CDS1: variants seen among roughly 807,000 people sequenced by gnomAD.
CDS1 encodes phosphatidate cytidylyltransferase 1.
CDS1 carries 41 observed loss-of-function variants against 62.1 expected under a neutral mutation model. The observed-to-expected ratio is 0.66, with a 90% CI of 0.51 to 0.86. CDS1 has a LOEUF of 0.86. Among genes scored for constraint, CDS1 ranks in the 40% least tolerant of loss-of-function variants. The probability of loss-of-function intolerance (pLI) is 0.00; values close to 1 mark genes in which losing one functional copy is unlikely to be tolerated. For synonymous variants in CDS1, 185 were observed against 192.6 expected (o/e 0.96, Z 0.32); for missense variants, 470 against 550.1 (o/e 0.85, Z 1.46).
chr4:84,607,584 C>T (rs1368586775), intron 2 of CDS1, among the ~76,000 whole-genome samples: 1 of 151,892 alleles, frequency 6.6e-6, no homozygotes, highest in African/African-American at 2.4e-5. Context: ...ATGAAGGCAG[C>T]TAATATTTCT....
intron 1 of CDS1, among the ~76,000 whole-genome samples, chr4:84,603,407 G>C (rs993551448): frequency 1.3e-5 from 2 of 152,182 alleles, no homozygotes; most frequent in Admixed American, 1.3e-4. Flanking sequence ...ACTGAAGGTT[G>C]CCAGGGTAGG....
At chr4:84,597,263 AAGG>A (rs1722779909) in intron 1 of CDS1, among the ~76,000 whole-genome samples, 1 of 152,144 alleles carries the variant, frequency 6.6e-6, no homozygotes, top group Non-Finnish European at 1.5e-5. Context: ...AAAAAAAAAT[AAGG>A]AGGCTTTATC....
chr4:84,608,974 C>T (rs538943129), intron 2 of CDS1, among the ~76,000 whole-genome samples: 3 of 151,852 alleles, frequency 2.0e-5, no homozygotes, highest in Non-Finnish European at 4.4e-5. Flanking sequence ...GTCAGGAGAT[C>T]GAGACCATCT....
intron 9 of CDS1, among the ~76,000 whole-genome samples, 154 bp downstream of exon 9, chr4:84,639,146 C>G (rs1471334890): frequency 6.6e-6 from 1 of 152,134 alleles, no homozygotes; most frequent in Non-Finnish European, 1.5e-5. Flanking sequence ...ACCTCAGCAG[C>G]CCTTATCCTG....
intron 5 of CDS1, among the ~76,000 whole-genome samples, chr4:84,631,505 A>C (rs548795830): frequency 1.4e-4 from 22 of 152,304 alleles, no homozygotes; most frequent in South Asian, 2.1e-4. Flanking sequence ...GCAAATAAAT[A>C]CTATTTAATT....
rs1430830876 is a variant in CDS1, at chr4:84,619,514, A to G, written c.561A>G (p.Ser187=). The G allele has an allele frequency of 6.3e-7, 1 of 1,594,126 alleles. No individual in the cohort carries two copies. The highest frequency in any genetic ancestry group is 2.2e-5 in the East Asian group (1 of 44,488). ...TCATTCGCTACCATAGATTTATATC[A>G]TTTGCCCTCTATCTGGCAGGTAAGT... is the stretch of plus-strand genomic sequence containing the variant. ...QFLIRYHRFI[S]FALYLAGFCM... The change falls in exon 5 of 13, where the codon TCA becomes TCG. Residue 187 remains serine (S), a synonymous_variant. Transcript: ENST00000295887.
intron 1 of CDS1, among the ~76,000 whole-genome samples, chr4:84,587,617 G>C (rs1442932505): frequency 6.6e-6 from 1 of 152,162 alleles, no homozygotes; most frequent in Admixed American, 6.6e-5. Flanking sequence ...GAAACAGAAA[G>C]AGCTAAGACA....
chr4:84,632,980 C>T (rs144931339), intron 6 of CDS1, among the ~76,000 whole-genome samples: 347 of 152,138 alleles, frequency 2.3e-3, no homozygotes, highest in Middle Eastern at 0.02. Flanking sequence ...GAAAATTAAC[C>T]GGGCGTGGTG....
At chr4:84,628,811 A>G (rs1723933195) in intron 5 of CDS1, among the ~76,000 whole-genome samples, 1 of 152,164 alleles carries the variant, frequency 6.6e-6, no homozygotes, top group African/African-American at 2.4e-5. Flanking sequence ...TTGGGATTAC[A>G]GGCATGGGAC....
In CDS1 at chr4:84,649,913, G is replaced by A. The variant is rs1337049451; in HGVS notation, c.*1227G>A. The A allele has an allele frequency of 3.9e-5, 6 of 152,124 alleles. No individual in the cohort carries two copies. The highest frequency in any genetic ancestry group is 7.3e-5 in the Non-Finnish European group (5 of 68,038). 9.4% of individuals were successfully genotyped at this position (152,124 alleles called of 1,614,324 possible). On this transcript the variant is annotated 3_prime_UTR_variant, in exon 13 of 13. Transcript: ENST00000295887. The stretch of plus-strand genomic sequence containing the variant: ...GGTGGACTGGACACTAACCAGATGA[G>A]AGTAAATTTCTTATCCGTGGACGTA...
At chr4:84,626,364 CT>C (rs1264376341) in intron 5 of CDS1, among the ~76,000 whole-genome samples, 1 of 152,206 alleles carries the variant, frequency 6.6e-6, no homozygotes, top group Non-Finnish European at 1.5e-5. Flanking sequence ...TCTTTTTACA[CT>C]TTGCTCAGTT....
intron 3 of CDS1, among the ~76,000 whole-genome samples, chr4:84,615,743 T>C (rs1407449101): frequency 6.6e-6 from 1 of 152,222 alleles, no homozygotes; most frequent in African/African-American, 2.4e-5. Context: ...GAGTAGACAC[T>C]TAAATACTGA....
At chr4:84,628,567 T>C (rs1560478466) in intron 5 of CDS1, among the ~76,000 whole-genome samples, 1 of 152,170 alleles carries the variant, frequency 6.6e-6, no homozygotes, top group Non-Finnish European at 1.5e-5. Flanking sequence ...GTGACTTGCT[T>C]TGTGGTCCAG....
intron 1 of CDS1, 48 bp downstream of exon 1, chr4:84,583,566 G>C (rs780572943): frequency 1.6e-4 from 188 of 1,196,568 alleles, no homozygotes; most frequent in Admixed American, 2.3e-4. Flanking sequence ...CTGGGTCCTG[G>C]TTGGAAGCGG....
At position 84,650,926 on chromosome 4, in the gene CDS1, C is replaced by T. The variant is rs1724712882; in HGVS notation, c.*2240C>T. 1 of 152,092 alleles carries T rather than the reference C, an allele frequency of 6.6e-6. No homozygotes were observed. The highest frequency in any genetic ancestry group is 6.6e-5 in the Admixed American group (1 of 15,266). The allele number at this position is 152,092 out of a possible 1,614,324, so 9.4% of individuals were successfully genotyped here. On this transcript the variant is annotated 3_prime_UTR_variant, in exon 13 of 13. Coordinates refer to ENST00000295887, the MANE Select transcript of CDS1 (RefSeq NM_001263.4). ...TTGCACTGTGAAGAGGGCTTAAATT[C>T]CAATGTAGCAATGTGGTGGCAGACA... is the stretch of plus-strand genomic sequence containing the variant.
Position 84,648,763 on chromosome 4 carries a change from G to A in CDS1, c.*77G>A. ...TGACAGATGTTTTATAAATTGTACA[G>A]AAAAATAGTTAAAAATGCAATAGGT... On this transcript the variant is annotated 3_prime_UTR_variant, in exon 13 of 13. Transcript: ENST00000295887. The A allele has an allele frequency of 2.1e-6, 3 of 1,426,306 alleles. No homozygotes were observed. The highest frequency in any genetic ancestry group is 2.8e-6 in the Non-Finnish European group (3 of 1,055,332). The allele number at this position is 1,426,306 out of a possible 1,614,324, so 88.4% of individuals were successfully genotyped here. A position where few individuals can be genotyped will look rare whatever the true frequency, so the allele number is the denominator to read the frequency against.
chr4:84,635,430 T>C, intron 8 of CDS1, 79 bp downstream of exon 8: 1 of 776,526 alleles, frequency 1.3e-6, no homozygotes, highest in Non-Finnish European at 2.2e-6. Context: ...ACAACTGTGC[T>C]GTTGTGCATT....
chr4:84,606,432 A>G (rs1360423474), intron 2 of CDS1, among the ~76,000 whole-genome samples: 3 of 152,058 alleles, frequency 2.0e-5, no homozygotes, highest in African/African-American at 7.2e-5. Flanking sequence ...TAGGAACAAC[A>G]TTTCATGCAG....
intron 3 of CDS1, among the ~76,000 whole-genome samples, chr4:84,610,834 G>A (rs1161012634): frequency 6.6e-6 from 1 of 152,116 alleles, no homozygotes; most frequent in Non-Finnish European, 1.5e-5. Flanking sequence ...TAGACTAGAT[G>A]TATAAGAGGC....
Sources: allele counts gnomAD v4.1 joint callset (sites outside exome capture counted in the v4.1 genomes callset), GRCh38; gene constraint gnomAD v4.1.1; transcripts MANE v1.5; gene names NCBI Gene and HGNC (gene_info 2026-07-23, HGNC 2026-07-21).